Variants in COL27A1 observed in about 807,000 individuals in gnomAD.
COL27A1 encodes collagen type XXVII alpha 1 chain.
A neutral mutation model predicts 251.3 loss-of-function variants in COL27A1; 106 were observed. That is an observed-to-expected ratio of 0.42 (90% confidence interval 0.36 to 0.50). The LOEUF (loss-of-function observed/expected upper bound fraction) is 0.50. COL27A1 is among the 20% of genes least tolerant of loss of function. The pLI, the probability that COL27A1 is intolerant of heterozygous loss-of-function variation, is 0.00. For synonymous variants in COL27A1, 1,000 were observed against 986.3 expected (o/e 1.01, Z -0.26); for missense variants, 2,325 against 2,522.8 (o/e 0.92, Z 1.68).
At position 114,205,747 on chromosome 9, in the gene COL27A1, G is replaced by A. The variant is rs1260165955; in HGVS notation, c.2170-12G>A. On this transcript the variant is annotated splice_polypyrimidine_tract_variant and intron_variant, in intron 8 of 60. Transcript: ENST00000356083. ...CTTTCTTTTCCTTATGTTTCTCTCT[G>A]TTCCTTTGCAGGGGCAGCCAGGACC... is the stretch of plus-strand genomic sequence containing the variant. 3.7e-6 allele frequency: 6 copies of A among 1,613,718 alleles called. No individual in the cohort carries two copies. Among genetic ancestry groups the A allele is most frequent in the Non-Finnish European group, 5.1e-6 (6 of 1,179,650 alleles).
rs143944569 is a variant in COL27A1 at position 114,284,551 on chromosome 9, G to A, written c.3934-173G>A. Among the ~76,000 whole-genome samples, 295 of 152,292 alleles carry A rather than the reference G, an allele frequency of 1.9e-3. 2 individuals are homozygous for A. The Middle Eastern group carries it at 0.024, about 12-fold the overall frequency. ...TTTGGGGTGTGTCTGGGACCAGCAC[G>A]GCACATCTGGAAGGCCAGGGCCCAG... On this transcript the variant is annotated intron_variant, in intron 40 of 60. Transcript: ENST00000356083.
At chr9:114,257,623 G>A (rs1444792193) in intron 27 of COL27A1, among the ~76,000 whole-genome samples, 2 of 152,010 alleles carry the variant, frequency 1.3e-5, no homozygotes, top group African/African-American at 4.8e-5. Flanking sequence ...CCCGGGGCTG[G>A]GCCTTGCTCC....
chr9:114,269,435 C>T (rs1834972526), intron 35 of COL27A1, 141 bp downstream of exon 35: 1 of 565,892 alleles, frequency 1.8e-6, no homozygotes, highest in Non-Finnish European at 3.1e-6. Context: ...CAGCCTCGCC[C>T]AGTCTCTCTT....
At chr9:114,216,098 C>T (rs1830693296) in intron 12 of COL27A1, among the ~76,000 whole-genome samples, 1 of 152,212 alleles carries the variant, frequency 6.6e-6, no homozygotes, top group Non-Finnish European at 1.5e-5. Flanking sequence ...CGTCCCTGTC[C>T]TCAGCTCTAT....
chr9:114,307,449 T>A (rs1221130529), intron 58 of COL27A1: 2 of 558,528 alleles, frequency 3.6e-6, no homozygotes, highest in Non-Finnish European at 6.4e-6. Context: ...GGCAAGTACT[T>A]AGCCATGTGA....
At chr9:114,161,086 A>T (rs1564408140) in intron 1 of COL27A1, among the ~76,000 whole-genome samples, 2 of 152,206 alleles carry the variant, frequency 1.3e-5, no homozygotes, top group Non-Finnish European at 2.9e-5. Context: ...TGGTGAATTC[A>T]GCATCCCAAC....
chr9:114,165,645 CATTT>C (rs1197541752), intron 2 of COL27A1, among the ~76,000 whole-genome samples: 9 of 122,208 alleles, frequency 7.4e-5, no homozygotes, highest in African/African-American at 2.8e-4. Context: ...TTTATCCATC[CATTT>C]ATCCATCCAT....
intron 10 of COL27A1, among the ~76,000 whole-genome samples, chr9:114,206,839 C>G (rs143255519): frequency 6.6e-6 from 1 of 152,172 alleles, no homozygotes; most frequent in African/African-American, 2.4e-5. Context: ...TCATGATGTC[C>G]ATTTGTACCT....
In COL27A1 at chr9:114,168,373, C is replaced by T; in HGVS notation, c.818C>T (p.Thr273Ile). 6.2e-7 allele frequency: 1 copy of T among 1,613,520 alleles called. No individual in the cohort carries two copies. Among genetic ancestry groups the T allele is most frequent in the South Asian group, 1.1e-5 (1 of 91,084 alleles). The change falls in exon 3 of 61, where the codon ACC becomes ATC. Residue 273 changes from threonine to isoleucine, a missense_variant. By Grantham distance (89) the Thr-to-Ile change is moderately conservative. Around this residue, in one of 4 missense-constraint regions of COL27A1, gnomAD observed 1,183 missense variants for 1,144.1 expected, o/e 1.03. Transcript: ENST00000356083. Reference sequence around the variant, plus strand: ...GCCCTGCTAGGCCTGGAGAACTTGACCACTGCCACACCAGCCCTGGGGTCA... The same window carrying T: ...GCCCTGCTAGGCCTGGAGAACTTGATCACTGCCACACCAGCCCTGGGGTCA... ...DLALLGLENL[T>I]TATPALGSLP...
intron 8 of COL27A1, among the ~76,000 whole-genome samples, 168 bp downstream of exon 8, chr9:114,205,314 C>G (rs995725520): frequency 3.3e-5 from 5 of 152,226 alleles, no homozygotes; most frequent in Non-Finnish European, 7.3e-5. Context: ...CCCCACCTCT[C>G]TCGCCCAGCC....
At chr9:114,227,166 A>G (rs1296169692) in intron 14 of COL27A1, among the ~76,000 whole-genome samples, 1 of 152,108 alleles carries the variant, frequency 6.6e-6, no homozygotes, top group African/African-American at 2.4e-5. Context: ...ATCATGAAGG[A>G]TGGGCACCAG....
intron 35 of COL27A1, 23 bp downstream of exon 35, chr9:114,269,317 T>G: frequency 6.3e-7 from 1 of 1,596,648 alleles, no homozygotes. Context: ...AATTTATTCT[T>G]CCTGAAAGCC....
chr9:114,255,343 G>A (rs921601532), intron 27 of COL27A1, among the ~76,000 whole-genome samples: 2 of 152,164 alleles, frequency 1.3e-5, no homozygotes, highest in African/African-American at 4.8e-5. Context: ...CCTCAGCATG[G>A]GGGGTGCCCA....
At chr9:114,236,890 C>A in intron 17 of COL27A1, 91 bp from the exon 18 acceptor site, 1 of 1,236,982 alleles carries the variant, frequency 8.1e-7, no homozygotes, top group Non-Finnish European at 1.2e-6. Flanking sequence ...CGGGCGTTCT[C>A]TGGGCCTGGG....
chr9:114,182,806 A>T (rs987206254), intron 4 of COL27A1, among the ~76,000 whole-genome samples: 1 of 152,238 alleles, frequency 6.6e-6, no homozygotes, highest in Non-Finnish European at 1.5e-5. Flanking sequence ...TAACAGGATC[A>T]AATGAGATGG....
Position 114,165,261 on chromosome 9 carries a change from A to G in COL27A1, c.134-2428A>G, listed in dbSNP as rs138332724. On this transcript the variant is annotated intron_variant, in intron 2 of 60. Coordinates refer to ENST00000356083, the MANE Select transcript of COL27A1 (RefSeq NM_032888.4). ...CATGCTGCCAGCACTCAGGTTCTCA[A>G]TTTCCCCCAGGGAACTGTCCTTCTA... Among the ~76,000 whole-genome samples the G allele has an allele frequency of 6.0e-3, 907 of 152,190 alleles. 8 individuals carry two copies. Among genetic ancestry groups the G allele is most frequent in the African/African-American group, 0.021 (858 of 41,512 alleles).
At chr9:114,261,467 G>A (rs116401341) in intron 28 of COL27A1, among the ~76,000 whole-genome samples, 4,738 of 152,324 alleles carry the variant, frequency 0.031, 243 homozygotes, top group African/African-American at 0.11. Context: ...AAGGGTTAGA[G>A]TGTGCGGCTG....
In COL27A1 at chr9:114,269,982, G is replaced by A. The variant is rs190226574; in HGVS notation, c.3555+688G>A. The stretch of plus-strand genomic sequence containing the variant: ...ATTTCAAGAACTGTTGTCCAGGGGC[G>A]TCTCTAGAGCTGGAAGGGCAAGCCT... On this transcript the variant is annotated intron_variant, in intron 35 of 60. Transcript: ENST00000356083. Among the ~76,000 whole-genome samples the A allele has an allele frequency of 1.8e-4, 27 of 152,340 alleles. No homozygotes were observed. The South Asian group carries it at 3.1e-3, about 18-fold the overall frequency.
At chr9:114,307,619 G>A in intron 58 of COL27A1, 50 bp from the exon 59 acceptor site, 1 of 1,297,454 alleles carries the variant, frequency 7.7e-7, no homozygotes, top group Non-Finnish European at 1.1e-6. Flanking sequence ...ACCAAGGAAT[G>A]GGCTCATCCC....
Sources: allele counts gnomAD v4.1 joint callset (sites outside exome capture counted in the v4.1 genomes callset), GRCh38; gene constraint gnomAD v4.1.1; regional missense constraint gnomAD v4.1.1; transcripts MANE v1.5; gene names NCBI Gene and HGNC (gene_info 2026-07-23, HGNC 2026-07-21).